The following TJP1 variants were observed in gnomAD, a reference collection of about 807,000 sequenced individuals.
The protein encoded by TJP1 is tight junction protein 1, also known as tight junction protein ZO-1.
Under a neutral mutation model 194.2 loss-of-function variants are expected in TJP1, and 43 were observed. That is an observed-to-expected ratio of 0.22 (90% CI 0.17 to 0.29). TJP1 has a LOEUF of 0.29. TJP1 is among the 10% of genes least tolerant of loss of function. The pLI, the probability that TJP1 is intolerant of heterozygous loss-of-function variation, is 1.00. For missense variants in TJP1, 1,971 were observed against 2,185.7 expected (o/e 0.90, Z 1.96); for synonymous variants, 801 against 779.0 (o/e 1.03, Z -0.47).
chr15:29,779,988 C>T (rs538161246), intron 2 of TJP1, among the ~76,000 whole-genome samples: 101 of 150,020 alleles, frequency 6.7e-4, no homozygotes, highest in Non-Finnish European at 9.9e-4. Context: ...CGCCACCTCC[C>T]GAAGGAAAAA....
chr15:29,754,409 T>C (rs921140607), intron 8 of TJP1, among the ~76,000 whole-genome samples: 7 of 152,046 alleles, frequency 4.6e-5, no homozygotes, highest in African/African-American at 1.4e-4. Flanking sequence ...AGAAAACTAT[T>C]GGATACTGGG....
At chr15:29,736,046 A>G (rs990717181) in intron 11 of TJP1, among the ~76,000 whole-genome samples, 3 of 152,200 alleles carry the variant, frequency 2.0e-5, no homozygotes, top group African/African-American at 7.2e-5. Flanking sequence ...AAGAATAAAA[A>G]AATGTACCAG....
At chr15:29,819,681 A>G (rs2050190669) in intron 1 of TJP1, among the ~76,000 whole-genome samples, 1 of 152,228 alleles carries the variant, frequency 6.6e-6, no homozygotes, top group Admixed American at 6.5e-5. Flanking sequence ...ATACAACACT[A>G]GAAGACACTG....
chr15:29,794,922 A>C (rs914665635), intron 2 of TJP1, among the ~76,000 whole-genome samples: 1 of 152,232 alleles, frequency 6.6e-6, no homozygotes, highest in African/African-American at 2.4e-5. Flanking sequence ...CACTGAAAAC[A>C]AAAGTAGGTA....
intron 2 of TJP1, among the ~76,000 whole-genome samples, chr15:29,795,796 G>A (rs1289936050): frequency 6.6e-6 from 1 of 152,084 alleles, no homozygotes; most frequent in Non-Finnish European, 1.5e-5. Flanking sequence ...CATCTGGAAT[G>A]GATAACATGT....
At chr15:29,760,333 G>A (rs909207214) in intron 8 of TJP1, 21 of 693,578 alleles carry the variant, frequency 3.0e-5, no homozygotes, top group African/African-American at 2.1e-4. Context: ...ACTCAGGTAG[G>A]TCATATACTA....
At chr15:29,768,848 C>T (rs563350786) in intron 4 of TJP1, among the ~76,000 whole-genome samples, 2 of 151,944 alleles carry the variant, frequency 1.3e-5, no homozygotes, top group Non-Finnish European at 2.9e-5. Context: ...AAAAAAAATG[C>T]CTACTTCAAA....
chr15:29,933,311 A>C (rs974844129), intron 2 of TJP1, among the ~76,000 whole-genome samples: 2 of 152,180 alleles, frequency 1.3e-5, no homozygotes, highest in Non-Finnish European at 2.9e-5. Flanking sequence ...GTTAAGACTC[A>C]GTCTTGGATG....
At chr15:29,706,899 C>T (rs528809261) in intron 25 of TJP1, among the ~76,000 whole-genome samples, 1 of 152,136 alleles carries the variant, frequency 6.6e-6, no homozygotes, top group Non-Finnish European at 1.5e-5. Context: ...CAGTGATCCG[C>T]CCGCCTCAAC....
chr15:29,822,016 C>T lies in TJP1; in HGVS notation c.13G>A (p.Ala5Thr). 2 of 1,353,796 alleles carry T rather than the reference C, an allele frequency of 1.5e-6. No homozygotes were observed. The highest frequency in any genetic ancestry group is 2.0e-5 in the South Asian group (1 of 50,224). The allele number at this position is 1,353,796 out of a possible 1,614,324, so 83.9% of individuals were successfully genotyped here. The change falls in exon 1 of 28, where the codon GCT (alanine) becomes ACT (threonine). Residue 5 changes from alanine to threonine, a missense_variant. Ala to Thr is a moderately conservative substitution (Grantham distance 58, BLOSUM62 0). This residue lies in a region of TJP1 where 245 missense variants were observed against 336.6 expected (regional missense o/e 0.73). Transcript: ENST00000614355. ...GAGGCGCTCACCTTGGCGGCCGCAG[C>T]TCTGGCGGACATCTTGTCTCTCTCC... MSAR[A>T]AAAKSTAMEE...
At chr15:29,882,606 C>T (rs1200258052) in intron 2 of TJP1, among the ~76,000 whole-genome samples, 1 of 152,150 alleles carries the variant, frequency 6.6e-6, no homozygotes, top group Non-Finnish European at 1.5e-5. Flanking sequence ...AAATTCCTAA[C>T]TGACTTAGGT....
chr15:29,957,911 C>T (rs1305261611), intron 1 of TJP1, among the ~76,000 whole-genome samples: 2 of 152,114 alleles, frequency 1.3e-5, no homozygotes, highest in East Asian at 3.9e-4. Flanking sequence ...AATACAAGGG[C>T]AACTTTATCA....
At chr15:29,752,927 G>A (rs1331157544) in intron 8 of TJP1, among the ~76,000 whole-genome samples, 1 of 152,016 alleles carries the variant, frequency 6.6e-6, no homozygotes, top group East Asian at 1.9e-4. Context: ...CTCAGGAGCA[G>A]TACACGCTTT....
At chr15:29,764,324 C>T (rs528136373) in intron 5 of TJP1, among the ~76,000 whole-genome samples, 98 of 151,990 alleles carry the variant, frequency 6.4e-4, no homozygotes, top group South Asian at 2.9e-3. Flanking sequence ...GGGTGAGTGA[C>T]GGCTGAAAAG....
chr15:29,850,214 T>C (rs578143909), intron 2 of TJP1, among the ~76,000 whole-genome samples: 1 of 152,362 alleles, frequency 6.6e-6, no homozygotes, highest in South Asian at 2.1e-4. Flanking sequence ...GCTGACGTCT[T>C]GACTGCAACT....
intron 4 of TJP1, among the ~76,000 whole-genome samples, chr15:29,771,204 CTT>C (rs2046648555): frequency 6.6e-6 from 1 of 152,198 alleles, no homozygotes; most frequent in Non-Finnish European, 1.5e-5. Context: ...GCAATTCTGT[CTT>C]TGTGTGAACA....
intron 2 of TJP1, among the ~76,000 whole-genome samples, chr15:29,838,046 G>A (rs76670109): frequency 0.069 from 10,550 of 152,298 alleles, 522 homozygotes; most frequent in Non-Finnish European, 0.11. Flanking sequence ...TAGGTTGTTA[G>A]CATCTATAAA....
intron 23 of TJP1, among the ~76,000 whole-genome samples, chr15:29,711,735 G>C (rs2042255769): frequency 6.6e-6 from 1 of 152,162 alleles, no homozygotes; most frequent in South Asian, 2.1e-4. Flanking sequence ...AGATGTCACA[G>C]ACTAGGGGTT....
At chr15:29,777,344 G>C (rs756620070) in intron 2 of TJP1, among the ~76,000 whole-genome samples, 3 of 152,098 alleles carry the variant, frequency 2.0e-5, no homozygotes, top group Non-Finnish European at 4.4e-5. Context: ...ATTACACAGC[G>C]AAGAAGATAA....
Sources: gnomAD v4.1 joint callset for allele counts (sites outside exome capture counted in the v4.1 genomes callset) on GRCh38, gnomAD v4.1.1 for gene constraint, gnomAD v4.1.1 regional missense constraint, MANE v1.5 for transcripts, NCBI Gene and HGNC (gene_info 2026-07-23, HGNC 2026-07-21) for gene names.